SSH2: variants seen among roughly 807,000 people sequenced by gnomAD.
The protein encoded by SSH2 is protein phosphatase Slingshot homolog 2.
A neutral mutation model predicts 135.2 loss-of-function variants in SSH2; 37 were observed. That is an observed-to-expected ratio of 0.27 (90% CI 0.21 to 0.36). SSH2 has a LOEUF of 0.36. Among genes scored for constraint, SSH2 ranks in the 10% least tolerant of loss-of-function variants. SSH2 has a pLI of 1.00. For missense variants in SSH2, 1,408 were observed against 1,765.3 expected (o/e 0.80, Z 3.63); for synonymous variants, 628 against 646.2 (o/e 0.97, Z 0.43).
intron 5 of SSH2, among the ~76,000 whole-genome samples, chr17:29,689,231 T>C (rs886516951): frequency 1.3e-5 from 2 of 152,104 alleles, no homozygotes; most frequent in Admixed American, 6.6e-5. Context: ...GCCGCAGCCA[T>C]AAGGAAAAGT....
intron 5 of SSH2, among the ~76,000 whole-genome samples, chr17:29,693,811 C>T (rs1056761399): frequency 2.6e-5 from 4 of 152,152 alleles, no homozygotes; most frequent in African/African-American, 9.7e-5. Flanking sequence ...ACTGCAATAA[C>T]TACCCTAGCA....
At chr17:29,811,836 G>A (rs1277728428) in intron 2 of SSH2, among the ~76,000 whole-genome samples, 1 of 152,010 alleles carries the variant, frequency 6.6e-6, no homozygotes, top group African/African-American at 2.4e-5. Context: ...TGAAATGCTG[G>A]GACAGGCATG....
intron 1 of SSH2, among the ~76,000 whole-genome samples, chr17:29,923,229 A>G (rs2067006777): frequency 6.6e-6 from 1 of 152,140 alleles, no homozygotes; most frequent in African/African-American, 2.4e-5. Flanking sequence ...TTTATACCCT[A>G]TAATCTAGTA....
chr17:29,662,024 T>TC (rs1407271589), intron 11 of SSH2, among the ~76,000 whole-genome samples: 10 of 151,918 alleles, frequency 6.6e-5, no homozygotes, highest in Non-Finnish European at 8.8e-5. Context: ...AGACCCAATT[T>TC]CCCCCCCGCC....
At chr17:29,866,632 T>C (rs1160652596) in intron 1 of SSH2, among the ~76,000 whole-genome samples, 1 of 152,140 alleles carries the variant, frequency 6.6e-6, no homozygotes, top group African/African-American at 2.4e-5. Context: ...ACCTAGAATA[T>C]CAGGGCACAA....
At chr17:29,682,611 C>CA in intron 6 of SSH2, among the ~76,000 whole-genome samples, 1 of 147,472 alleles carries the variant, frequency 6.8e-6, no homozygotes, top group East Asian at 2.0e-4. Context: ...GTGTTCTTCA[C>CA]AAAAAGGAAA....
At chr17:29,760,989 C>T in intron 3 of SSH2, 1 of 649,568 alleles carries the variant, frequency 1.5e-6, no homozygotes, top group Non-Finnish European at 2.3e-6. Context: ...ACCGTTCTAC[C>T]CCAGCATCCT....
At chr17:29,732,316 A>G (rs1335843910) in intron 3 of SSH2, among the ~76,000 whole-genome samples, 1 of 152,236 alleles carries the variant, frequency 6.6e-6, no homozygotes, top group Non-Finnish European at 1.5e-5. Context: ...TCTAAAGAAC[A>G]TAAGGTACAT....
chr17:29,640,173 G>A (rs939188882), intron 14 of SSH2, among the ~76,000 whole-genome samples: 1 of 151,986 alleles, frequency 6.6e-6, no homozygotes, highest in African/African-American at 2.4e-5. Context: ...CCACTTCCCG[G>A]GTTCACGCCA....
At chr17:29,874,749 T>C (rs1266056978) in intron 1 of SSH2, among the ~76,000 whole-genome samples, 1 of 152,204 alleles carries the variant, frequency 6.6e-6, no homozygotes, top group Admixed American at 6.5e-5. Context: ...ACTAATACTT[T>C]AATTATTTAC....
chr17:29,879,226 T>A (rs2066091690), intron 1 of SSH2, among the ~76,000 whole-genome samples: 1 of 152,186 alleles, frequency 6.6e-6, no homozygotes, highest in South Asian at 2.1e-4. Context: ...AGTATTATCA[T>A]TTCCATATTA....
intron 1 of SSH2, among the ~76,000 whole-genome samples, chr17:29,888,370 A>G (rs911400782): frequency 6.6e-6 from 1 of 152,170 alleles, no homozygotes; most frequent in Non-Finnish European, 1.5e-5. Flanking sequence ...TTATGGTTCC[A>G]TTGGATGGTT....
At chr17:29,705,448 C>T (rs186724773) in intron 3 of SSH2, among the ~76,000 whole-genome samples, 3 of 152,240 alleles carry the variant, frequency 2.0e-5, no homozygotes, top group Admixed American at 2.0e-4. Context: ...AAACAAACCC[C>T]AGGTGCTGTA....
chr17:29,657,828 G>C (rs1236862696), intron 11 of SSH2, among the ~76,000 whole-genome samples: 2 of 151,608 alleles, frequency 1.3e-5, no homozygotes, highest in Non-Finnish European at 2.9e-5. Flanking sequence ...TCCCCACCTT[G>C]GCCTCCCAAA....
intron 5 of SSH2, among the ~76,000 whole-genome samples, chr17:29,690,642 A>G (rs2038429044): frequency 6.6e-6 from 1 of 152,138 alleles, no homozygotes; most frequent in Non-Finnish European, 1.5e-5. Context: ...GCCAAAATTA[A>G]AACAGGCTTC....
At chr17:29,701,537 G>C (rs2038983404) in intron 4 of SSH2, among the ~76,000 whole-genome samples, 1 of 150,946 alleles carries the variant, frequency 6.6e-6, no homozygotes, top group Admixed American at 6.6e-5. Context: ...AGCCTCCCAG[G>C]TAGCTAGGAC....
At chr17:29,748,000 C>G (rs1401885161) in intron 3 of SSH2, among the ~76,000 whole-genome samples, 2 of 152,018 alleles carry the variant, frequency 1.3e-5, no homozygotes, top group Non-Finnish European at 2.9e-5. Context: ...TATAGGTGAG[C>G]ACAAAGGCAA....
chr17:29,738,241 T>C (rs1046719850), intron 3 of SSH2, among the ~76,000 whole-genome samples: 1 of 145,080 alleles, frequency 6.9e-6, no homozygotes, highest in Admixed American at 6.8e-5. Flanking sequence ...TCCATGTCCC[T>C]AAAAAGGACA....
intron 2 of SSH2, among the ~76,000 whole-genome samples, chr17:29,827,601 T>A (rs1215203441): frequency 6.6e-6 from 1 of 152,222 alleles, no homozygotes; most frequent in Non-Finnish European, 1.5e-5. Context: ...CACTTTGTCA[T>A]TCTTCTAAAA....
Sources: gnomAD v4.1 joint callset for allele counts (sites outside exome capture counted in the v4.1 genomes callset) on GRCh38, gnomAD v4.1.1 for gene constraint, MANE v1.5 for transcripts, NCBI Gene and HGNC (gene_info 2026-07-23, HGNC 2026-07-21) for gene names.